The following DNMT3B variants were observed in gnomAD, a reference collection of about 807,000 sequenced individuals.
DNMT3B encodes the protein DNA (cytosine-5)-methyltransferase 3B.
In DNMT3B, 37 loss-of-function variants were observed where a neutral mutation model predicts 120.2. The observed-to-expected ratio is 0.31, with a 90% CI of 0.24 to 0.40. The LOEUF is 0.40. Among genes scored for constraint, DNMT3B ranks in the 10% least tolerant of loss-of-function variants. The pLI is 1.00. For synonymous variants in DNMT3B, 412 were observed against 442.8 expected, an observed-to-expected ratio of 0.93 and a Z score of 0.87; for missense variants, 878 against 1,137.3, an observed-to-expected ratio of 0.77 and a Z score of 3.28.
In DNMT3B at chr20:32,797,477, G is replaced by A. The variant is rs562229460; in HGVS notation, c.1490+178G>A. ...TGGTGGCTGTGGTTGTAGCATAATT[G>A]GAGTAGAACTCATGTATAGGGAACG... On this transcript the variant is annotated intron_variant, in intron 14 of 22. Transcript: ENST00000328111. Among the ~76,000 whole-genome samples, 289 of 152,310 alleles carry A rather than the reference G, an allele frequency of 1.9e-3. 1 individual carries two copies. The highest frequency in any genetic ancestry group is 6.6e-3 in the African/African-American group (273 of 41,562).
rs771781648 is a variant in DNMT3B at position 32,792,731 on chromosome 20, A to G, written c.1027A>G (p.Thr343Ala). The part of the protein sequence containing the change: ...LEWAHGGFKP[T>A]GIEGLKPNNT... ...GTGGGCCCACGGGGGCTTCAAGCCC[A>G]CTGGGATCGAGGGCCTCAAACCCAA... Residue 343 changes from threonine to alanine, a missense_variant, in exon 9 of 23, where the codon ACT (threonine) becomes GCT (alanine). Coordinates refer to ENST00000328111, the MANE Select transcript of DNMT3B (RefSeq NM_006892.4). 2.5e-6 allele frequency: 4 copies of G among 1,614,100 alleles called. No individual in the cohort carries two copies. The South Asian group carries it at 3.3e-5, about 13-fold the overall frequency.
intron 3 of DNMT3B, among the ~76,000 whole-genome samples, chr20:32,784,117 A>T (rs1367366370): frequency 6.6e-6 from 1 of 152,184 alleles, no homozygotes; most frequent in African/African-American, 2.4e-5. Context: ...GGGTTTCGCC[A>T]TATTGGCCAG....
intron 4 of DNMT3B, 55 bp from the exon 5 acceptor site, chr20:32,786,447 A>G (rs1354130258): frequency 3.1e-6 from 5 of 1,612,844 alleles, no homozygotes; most frequent in Non-Finnish European, 4.2e-6. Context: ...TGGCCCCGCC[A>G]GACCCCAGGC....
chr20:32,807,860 G>A lies in DNMT3B; in HGVS notation c.2519G>A (p.Arg840Gln), dbSNP rs121908946. ...LGRSWSVPVI[R>Q]HLFAPLKDYF... ...AGGTCCTGGAGCGTGCCTGTCATCC[G>A]ACACCTCTTCGCCCCTCTGAAGGAC... Residue 840 changes from arginine to glutamine, a missense_variant, in exon 23 of 23, where the codon CGA (arginine) becomes CAA (glutamine). Arg to Gln is a conservative substitution (Grantham distance 43, BLOSUM62 1). Transcript: ENST00000328111. The A allele has an allele frequency of 5.0e-6, 8 of 1,614,098 alleles. No individual in the cohort carries two copies. The highest frequency in any genetic ancestry group is 4.5e-5 in the East Asian group (2 of 44,892).
intron 12 of DNMT3B, among the ~76,000 whole-genome samples, chr20:32,796,288 G>T (rs1361606681): frequency 1.3e-5 from 2 of 152,128 alleles, no homozygotes; most frequent in East Asian, 1.9e-4. Context: ...TTGTTTGTGG[G>T]TTTTATAAAG....
At chr20:32,807,737 T>C (rs1368420458) in intron 22 of DNMT3B, 25 bp from the exon 23 acceptor site, 2 of 1,613,616 alleles carry the variant, frequency 1.2e-6, no homozygotes, top group Non-Finnish European at 1.7e-6. Flanking sequence ...TCTGACTTGC[T>C]GTCTTTTCAC....
chr20:32,773,885 C>T (rs1308770128), intron 1 of DNMT3B, among the ~76,000 whole-genome samples: 1 of 105,440 alleles, frequency 9.5e-6, no homozygotes, highest in African/African-American at 5.7e-5. Flanking sequence ...AAGCCTTGGC[C>T]TCCTAAAGTG....
intron 7 of DNMT3B, among the ~76,000 whole-genome samples, chr20:32,790,642 C>A (rs2424915): frequency 6.6e-6 from 1 of 151,902 alleles, no homozygotes; most frequent in African/African-American, 2.4e-5. Context: ...GCACTCTTTA[C>A]GGAGACTAGA....
At chr20:32,773,612 CTT>C (rs11356349) in intron 1 of DNMT3B, among the ~76,000 whole-genome samples, 57,680 of 138,636 alleles carry the variant, frequency 0.42, 12,260 homozygotes, top group East Asian at 0.91. Context: ...AAATATTGGG[CTT>C]TTTTTTTTTT....
chr20:32,766,010 G>T (rs1244891587), intron 1 of DNMT3B, among the ~76,000 whole-genome samples: 6 of 152,018 alleles, frequency 3.9e-5, no homozygotes, highest in African/African-American at 1.4e-4. Context: ...ACCCGCCTTG[G>T]CCTCCCAAAG....
Position 32,807,927 on chromosome 20 carries a change from T to G in DNMT3B, c.*24T>G, listed in dbSNP as rs771148897. 6.2e-7 allele frequency: 1 copy of G among 1,613,992 alleles called. No homozygotes were observed. Among genetic ancestry groups the G allele is most frequent in the Non-Finnish European group, 8.5e-7 (1 of 1,179,900 alleles). On this transcript the variant is annotated 3_prime_UTR_variant, in exon 23 of 23. Transcript: ENST00000328111. ...AGTTCCAGCCAGGCCCCAAGCCCAC[T>G]GGGGTGTGTGGCAGAGCCAGGACCC...
chr20:32,784,887 A>G (rs1287011404), intron 4 of DNMT3B, 28 bp downstream of exon 4: 2 of 1,611,040 alleles, frequency 1.2e-6, no homozygotes, highest in African/African-American at 2.7e-5. Flanking sequence ...GAGCCAAAGC[A>G]CTTGTGGCCA....
chr20:32,783,886 C>T (rs1013820367), intron 3 of DNMT3B, among the ~76,000 whole-genome samples: 5 of 151,110 alleles, frequency 3.3e-5, no homozygotes, highest in Non-Finnish European at 5.9e-5. Context: ...CCACCATGCC[C>T]AGCTAACTTT....
chr20:32,789,144 G>A (rs1979671490), intron 7 of DNMT3B, 132 bp downstream of exon 7: 7 of 1,348,278 alleles, frequency 5.2e-6, no homozygotes, highest in Non-Finnish European at 7.0e-6. Context: ...TGGGAGGAAG[G>A]ACAAAACTTC....
At chr20:32,796,672 A>G in intron 12 of DNMT3B, 118 bp from the exon 13 acceptor site, 1 of 1,097,444 alleles carries the variant, frequency 9.1e-7, no homozygotes, top group Middle Eastern at 2.8e-4. Context: ...TGAGGTGCAA[A>G]GAGTCCTTGG....
At chr20:32,792,976 G>A (rs1294699948) in intron 9 of DNMT3B, among the ~76,000 whole-genome samples, 1 of 152,230 alleles carries the variant, frequency 6.6e-6, no homozygotes, top group Non-Finnish European at 1.5e-5. Context: ...TGATGGTCAC[G>A]TGCATATAAT....
chr20:32,797,701 C>A (rs986848985), intron 14 of DNMT3B, among the ~76,000 whole-genome samples: 1 of 151,076 alleles, frequency 6.6e-6, no homozygotes, highest in Admixed American at 6.6e-5. Context: ...GCTCTGTCAC[C>A]CAGGCTGGAA....
intron 1 of DNMT3B, among the ~76,000 whole-genome samples, chr20:32,775,429 A>C (rs1988018498): frequency 6.6e-6 from 1 of 152,170 alleles, no homozygotes; most frequent in South Asian, 2.1e-4. Context: ...GGTTGGGGCG[A>C]GTCCCTGAGC....
At chr20:32,770,070 G>T (rs920885218) in intron 1 of DNMT3B, among the ~76,000 whole-genome samples, 4 of 152,024 alleles carry the variant, frequency 2.6e-5, no homozygotes, top group Admixed American at 2.6e-4. Context: ...CTGCCCAGTA[G>T]CTTCGACTAC....
Sources: gnomAD v4.1 joint callset for allele counts (sites outside exome capture counted in the v4.1 genomes callset) on GRCh38, gnomAD v4.1.1 for gene constraint, MANE v1.5 for transcripts, NCBI Gene and HGNC (gene_info 2026-07-23, HGNC 2026-07-21) for gene names.